The following PCDHGB3 variants were observed in gnomAD, a reference collection of about 807,000 sequenced individuals.
The protein encoded by PCDHGB3 is protocadherin gamma subfamily B, 3, also known as protocadherin gamma-B3.
In PCDHGB3, 40 loss-of-function variants were observed where a neutral mutation model predicts 59.2. The ratio of observed to expected loss-of-function variants is 0.68; its 90% CI spans 0.52 to 0.88. The LOEUF is 0.88. Among genes scored for constraint, PCDHGB3 ranks in the 40% least tolerant of loss-of-function variants. The pLI is 0.00. For synonymous variants in PCDHGB3, 581 were observed against 503.6 expected (o/e 1.15, Z -2.06); for missense variants, 1,309 against 1,187.9 (o/e 1.10, Z -1.50).
Position 141,476,708 on chromosome 5 carries a change from T to C in PCDHGB3, c.2416-18099T>C, listed in dbSNP as rs1205987380. The C allele has an allele frequency of 1.2e-6, 2 of 1,614,150 alleles. No homozygotes were observed. The highest frequency in any genetic ancestry group is 8.5e-7 in the Non-Finnish European group (1 of 1,180,024). ...CAGCACCAAGTACGCGGAGCTGGTG[T>C]TGGAGCGCGCCCTGGACCGAGAACG... On this transcript the variant is annotated intron_variant, in intron 1 of 3. Coordinates refer to ENST00000576222, the MANE Select transcript of PCDHGB3 (RefSeq NM_018924.5). The surrounding 1 kb of genome is among the most constrained non-coding windows in gnomAD (Gnocchi z 7.6).
chr5:141,470,718 G>A (rs916720866), intron 1 of PCDHGB3, among the ~76,000 whole-genome samples: 2 of 152,022 alleles, frequency 1.3e-5, no homozygotes, highest in Non-Finnish European at 2.9e-5. Flanking sequence ...ATTTTTTTGA[G>A]TCAGGGTCTT....
rs764919264 is a variant in PCDHGB3, at chr5:141,383,778, T to A, written c.2415+10969T>A. 2.5e-6 allele frequency: 4 copies of A among 1,614,004 alleles called. No individual in the cohort carries two copies. The South Asian group carries it at 4.4e-5, about 18-fold the overall frequency. ...CTCCTAAACTTCCAAAGATGTTTCA[T>A]CTGAACTCGCTTACAGGAGAAATAT... is the stretch of plus-strand genomic sequence containing the variant. On this transcript the variant is annotated intron_variant, in intron 1 of 3. Coordinates refer to ENST00000576222, the MANE Select transcript of PCDHGB3 (RefSeq NM_018924.5).
Position 141,486,683 on chromosome 5 carries a change from G to C in PCDHGB3, c.2416-8124G>C, listed in dbSNP as rs1207359772. 6.2e-7 allele frequency: 1 copy of C among 1,613,974 alleles called. No individual in the cohort carries two copies. ...GGAGCCCAGGAATCGAGATGTATCA[G>C]CTTCCTCTTTCATCTCTCTGAACCC... On this transcript the variant is annotated intron_variant, in intron 1 of 3. Coordinates refer to ENST00000576222, the MANE Select transcript of PCDHGB3 (RefSeq NM_018924.5). This position sits in a 1 kb window ranked among gnomAD's most constrained non-coding sequence, Gnocchi z 5.0.
chr5:141,505,283 G>A, intron 2 of PCDHGB3, 110 bp from the exon 3 acceptor site: 5 of 1,547,446 alleles, frequency 3.2e-6, no homozygotes, highest in Non-Finnish European at 3.5e-6. Flanking sequence ...ACAGGTCTTG[G>A]GCATGGGGTA....
rs754836894 is a variant in PCDHGB3 at position 141,432,969 on chromosome 5, C to G, written c.2415+60160C>G. ...GGAGGCGGCTTGACAGGAGCGCCGG[C>G]GTCGCACTTTGTGGGCGTGGACGGG... On this transcript the variant is annotated intron_variant, in intron 1 of 3. Coordinates refer to ENST00000576222, the MANE Select transcript of PCDHGB3 (RefSeq NM_018924.5). The surrounding 1 kb of genome is among the most constrained non-coding windows in gnomAD (Gnocchi z 6.0). 5.0e-6 allele frequency: 8 copies of G among 1,614,030 alleles called. No homozygotes were observed. In the Admixed American group the frequency reaches 5.0e-5, roughly 10 times the overall value.
intron 1 of PCDHGB3, among the ~76,000 whole-genome samples, chr5:141,480,916 A>C (rs991166066): frequency 6.6e-6 from 1 of 152,106 alleles, no homozygotes; most frequent in East Asian, 1.9e-4. Flanking sequence ...ATGGTGGCGC[A>C]TACCTGTAGT....
At chr5:141,381,850 G>T (rs1777668389) in intron 1 of PCDHGB3, among the ~76,000 whole-genome samples, 3 of 33,314 alleles carry the variant, frequency 9.0e-5, no homozygotes, top group Non-Finnish European at 5.3e-5. Flanking sequence ...TTTTTTTTTG[G>T]CAGAGTTTTG....
chr5:141,482,574 A>C (rs1294997781), intron 1 of PCDHGB3, among the ~76,000 whole-genome samples: 2 of 151,592 alleles, frequency 1.3e-5, no homozygotes, highest in Non-Finnish European at 2.9e-5. Context: ...GCATAGCATA[A>C]GATGCAGTGG....
rs968653011 is a variant in PCDHGB3 at position 141,370,342 on chromosome 5, A to G, written c.-53A>G. 1.3e-5 allele frequency: 19 copies of G among 1,475,912 alleles called. No individual in the cohort carries two copies. The highest frequency in any genetic ancestry group is 1.7e-5 in the Non-Finnish European group (19 of 1,099,252). 91.4% of individuals were successfully genotyped at this position (1,475,912 alleles called of 1,614,324 possible). On this transcript the variant is annotated 5_prime_UTR_variant, in exon 1 of 4. Coordinates refer to ENST00000576222, the MANE Select transcript of PCDHGB3 (RefSeq NM_018924.5). The stretch of plus-strand genomic sequence containing the variant: ...TCCTGCTCGGAGAACTCTTGGGATT[A>G]TTTAAAGATCTCCTCTCCTCGGATT...
intron 1 of PCDHGB3, among the ~76,000 whole-genome samples, chr5:141,425,691 T>C (rs1411905655): frequency 6.6e-6 from 1 of 152,238 alleles, no homozygotes. Context: ...TGCATATCAT[T>C]TCATAGTGGT....
At position 141,400,283 on chromosome 5, in the gene PCDHGB3, C is replaced by T. The variant is rs566639489; in HGVS notation, c.2415+27474C>T. 2.5e-6 allele frequency: 4 copies of T among 1,614,084 alleles called. No individual in the cohort carries two copies. In the African/African-American group the frequency reaches 5.3e-5, roughly 22 times the overall value. On this transcript the variant is annotated intron_variant, in intron 1 of 3. Coordinates refer to ENST00000576222, the MANE Select transcript of PCDHGB3 (RefSeq NM_018924.5). The stretch of plus-strand genomic sequence containing the variant: ...CTGCGACGCTCCTCCAGCCCTGCCG[C>T]CTGGAGCTGCTTCCAACCTGGTCTC...
chr5:141,394,547 G>A, intron 1 of PCDHGB3: 8 of 1,614,098 alleles, frequency 5.0e-6, no homozygotes, highest in Non-Finnish European at 6.8e-6. Context: ...TGGAGCTGGC[G>A]CCCCGCTCCG....
chr5:141,399,639 C>A lies in PCDHGB3; in HGVS notation c.2415+26830C>A, dbSNP rs1405309490. On this transcript the variant is annotated intron_variant, in intron 1 of 3. Transcript: ENST00000576222. ...CACTGGCCTCTTACGTGTCCATGAG[C>A]GCGCAAAGTGGGGTGGTGTTCGCGC... 5 of 1,613,858 alleles carry A rather than the reference C, an allele frequency of 3.1e-6. No individual in the cohort carries two copies. The highest frequency in any genetic ancestry group is 3.4e-6 in the Non-Finnish European group (4 of 1,179,886).
At chr5:141,388,536 G>A (rs1262935958) in intron 1 of PCDHGB3, 1 of 1,613,716 alleles carries the variant, frequency 6.2e-7, no homozygotes, top group Non-Finnish European at 8.5e-7. Context: ...CTTGGACTTT[G>A]GAGCTCCACC....
intron 1 of PCDHGB3, chr5:141,375,193 A>G: frequency 6.2e-7 from 1 of 1,613,982 alleles, no homozygotes; most frequent in Non-Finnish European, 8.5e-7. Context: ...CCCTTTTTCA[A>G]GTGTTCGATC....
At chr5:141,396,487 G>A (rs1196823269) in intron 1 of PCDHGB3, 1 of 152,122 alleles carries the variant, frequency 6.6e-6, no homozygotes, top group Non-Finnish European at 1.5e-5. Flanking sequence ...AGGCATGGTG[G>A]CATGCGCCTG....
chr5:141,403,789 C>T (rs1230029917), intron 1 of PCDHGB3: 1 of 1,613,864 alleles, frequency 6.2e-7, no homozygotes, highest in East Asian at 2.2e-5. Flanking sequence ...AAGTGGCATA[C>T]AAATTCTGGA....
chr5:141,380,502 T>C (rs932449846), intron 1 of PCDHGB3, among the ~76,000 whole-genome samples: 2 of 152,190 alleles, frequency 1.3e-5, no homozygotes, highest in Admixed American at 1.3e-4. Flanking sequence ...AACAATAATA[T>C]ACACTCTTTA....
chr5:141,506,544 G>GT (rs2099854759), intron 3 of PCDHGB3, among the ~76,000 whole-genome samples: 1 of 151,880 alleles, frequency 6.6e-6, no homozygotes, highest in Non-Finnish European at 1.5e-5. Flanking sequence ...GAGTCCTTAG[G>GT]TAAGTTATTA....
Sources: gnomAD v4.1 joint callset for allele counts (sites outside exome capture counted in the v4.1 genomes callset) on GRCh38, gnomAD v4.1.1 for gene constraint, Gnocchi (gnomAD v3.1) non-coding constraint, MANE v1.5 for transcripts, NCBI Gene and HGNC (gene_info 2026-07-23, HGNC 2026-07-21) for gene names.